Variants in CAMKK2 observed in about 807,000 individuals in gnomAD.
CAMKK2 encodes the protein calcium/calmodulin dependent protein kinase kinase 2.
A neutral mutation model predicts 67.2 loss-of-function variants in CAMKK2; 30 were observed. The ratio of observed to expected loss-of-function variants is 0.45; its 90% CI spans 0.33 to 0.61. The LOEUF is 0.61. Ranked by LOEUF, CAMKK2 falls within the 20% of genes least tolerant of loss-of-function variation. CAMKK2 has a pLI of 0.02. For synonymous variants in CAMKK2, 322 were observed against 326.2 expected, an observed-to-expected ratio of 0.99 and a Z score of 0.14; for missense variants, 643 against 802.0, an observed-to-expected ratio of 0.80 and a Z score of 2.39.
intron 1 of CAMKK2, among the ~76,000 whole-genome samples, chr12:121,295,410 G>C (rs1274053328): frequency 1.3e-5 from 2 of 152,144 alleles, no homozygotes; most frequent in Non-Finnish European, 2.9e-5. Flanking sequence ...TATTTATTCT[G>C]AAACTGCATG....
chr12:121,240,400 T>C lies in CAMKK2; in HGVS notation c.*299A>G. 1 of 1,495,254 alleles carries C rather than the reference T, an allele frequency of 6.7e-7. No homozygotes were observed. The highest frequency in any genetic ancestry group is 8.9e-7 in the Non-Finnish European group (1 of 1,117,396). 92.6% of individuals were successfully genotyped at this position (1,495,254 alleles called of 1,614,324 possible). Reference sequence around the variant, plus strand: ...TGGTTCTGAAAATCACAATGAAGGATTTTTGGCATAAAAACGTTTTAAAAA... The same window carrying C: ...TGGTTCTGAAAATCACAATGAAGGACTTTTGGCATAAAAACGTTTTAAAAA... On this transcript the variant is annotated 3_prime_UTR_variant, in exon 17 of 17. Coordinates refer to ENST00000404169, the MANE Select transcript of CAMKK2 (RefSeq NM_001270485.2). The surrounding 1 kb of genome is among the most constrained non-coding windows in gnomAD (Gnocchi z 4.4).
At chr12:121,255,853 A>G (rs372666661) in intron 7 of CAMKK2, 49 bp from the exon 8 acceptor site, 12 of 1,587,266 alleles carry the variant, frequency 7.6e-6, no homozygotes, top group Non-Finnish European at 9.5e-6. Flanking sequence ...CTGAACATCC[A>G]TCTCTCTCTG....
intron 5 of CAMKK2, 111 bp downstream of exon 5, chr12:121,268,527 T>C (rs1290248274): frequency 1.9e-6 from 2 of 1,030,820 alleles, no homozygotes; most frequent in Non-Finnish European, 3.0e-6. Flanking sequence ...CCCAAGTAGC[T>C]GGAACTACAG....
chr12:121,295,928 G>C (rs1247677835), intron 1 of CAMKK2, among the ~76,000 whole-genome samples: 1 of 151,482 alleles, frequency 6.6e-6, no homozygotes, highest in Non-Finnish European at 1.5e-5. Context: ...CCCAGGCACA[G>C]AGCCCCAATG....
chr12:121,276,907 G>T (rs1268672199), intron 1 of CAMKK2, among the ~76,000 whole-genome samples: 2 of 112,156 alleles, frequency 1.8e-5, no homozygotes, highest in Admixed American at 2.3e-4. Context: ...CGGGGTGGGG[G>T]GGGGGTCTCT....
chr12:121,249,890 C>G lies in CAMKK2; in HGVS notation c.1236-16G>C. ...TATGTCGGGCCTGGGGATGGAGAGG[C>G]GTCAGGGTGGCAGACACGGGACCGC... On this transcript the variant is annotated splice_polypyrimidine_tract_variant and intron_variant, in intron 12 of 16. Transcript: ENST00000404169. The G allele has an allele frequency of 6.2e-7, 1 of 1,613,386 alleles. No homozygotes were observed. The highest frequency in any genetic ancestry group is 8.5e-7 in the Non-Finnish European group (1 of 1,179,344).
Position 121,240,845 on chromosome 12 carries a change from G to C in CAMKK2, c.1621C>G (p.Pro541Ala), listed in dbSNP as rs1038964813. ...CCACGGGGGGCGGGTCGGTGCCCTG[G>C]AGGTTGTCTTCGCTGCCTTGCTTCC... The part of the protein sequence containing the change: ...LKEARQRRQP[P>A]GHRPAPRGGG... Residue 541 changes from proline to alanine, a missense_variant, in exon 17 of 17, where the codon CCA becomes GCA. Coordinates refer to ENST00000404169, the MANE Select transcript of CAMKK2 (RefSeq NM_001270485.2). This position sits in a 1 kb window ranked among gnomAD's most constrained non-coding sequence, Gnocchi z 4.4. 3 of 1,612,446 alleles carry C rather than the reference G, an allele frequency of 1.9e-6. No homozygotes were observed. Among genetic ancestry groups the C allele is most frequent in the Non-Finnish European group, 2.5e-6 (3 of 1,179,962 alleles).
intron 3 of CAMKK2, among the ~76,000 whole-genome samples, chr12:121,270,150 T>C (rs1454593554): frequency 1.3e-5 from 2 of 152,156 alleles, no homozygotes; most frequent in East Asian, 3.9e-4. Flanking sequence ...GGCGGGCAGA[T>C]CACTTGAGGT....
intron 5 of CAMKK2, among the ~76,000 whole-genome samples, chr12:121,267,394 G>A (rs1015953457): frequency 6.6e-6 from 1 of 151,836 alleles, no homozygotes; most frequent in Non-Finnish European, 1.5e-5. Flanking sequence ...TTATAGGCAT[G>A]AGCCACCGTG....
Position 121,268,681 on chromosome 12 carries a change from C to G in CAMKK2, c.582G>C (p.Lys194Asn). ...NENDNTYYAM[K>N]VLSKKKLIRQ... ...GGATCAGCTTCTTTTTGGACAGCAC[C>G]TTCATTGCCTGCAGGAAAATGAAGG... The change falls in exon 5 of 17, where the codon AAG becomes AAC. Residue 194 changes from lysine (K) to asparagine (N), a missense_variant. Lys to Asn is a moderately conservative substitution (Grantham distance 94). Coordinates refer to ENST00000404169, the MANE Select transcript of CAMKK2 (RefSeq NM_001270485.2). 1.2e-6 allele frequency: 2 copies of G among 1,614,070 alleles called. No individual in the cohort carries two copies. Among genetic ancestry groups the G allele is most frequent in the Non-Finnish European group, 1.7e-6 (2 of 1,179,934 alleles).
chr12:121,240,448 G>C lies in CAMKK2; in HGVS notation c.*251C>G, dbSNP rs1322670941. The C allele has an allele frequency of 6.5e-7, 1 of 1,530,282 alleles. No individual in the cohort carries two copies. The highest frequency in any genetic ancestry group is 1.2e-5 in the South Asian group (1 of 82,908). The allele number at this position is 1,530,282 out of a possible 1,614,324, so 94.8% of individuals were successfully genotyped here. ...AAAGCAATTGTCCCAAAATGCACGT[G>C]GGTTTGGGTCTGCAACTCCTCACAC... On this transcript the variant is annotated 3_prime_UTR_variant, in exon 17 of 17. Transcript: ENST00000404169. This position sits in a 1 kb window ranked among gnomAD's most constrained non-coding sequence, Gnocchi z 4.4.
At chr12:121,265,467 A>AT (rs1894340205) in intron 5 of CAMKK2, among the ~76,000 whole-genome samples, 1 of 152,124 alleles carries the variant, frequency 6.6e-6, no homozygotes, top group South Asian at 2.1e-4. Flanking sequence ...TCCAAAATTC[A>AT]TATGTCAAAA....
Position 121,245,125 on chromosome 12 carries a change from C to T in CAMKK2, c.1553+15G>A. 6.4e-7 allele frequency: 1 copy of T among 1,563,384 alleles called. No homozygotes were observed. Among genetic ancestry groups the T allele is most frequent in the Non-Finnish European group, 8.7e-7 (1 of 1,147,438 alleles). On this transcript the variant is annotated intron_variant, in intron 15 of 16. Transcript: ENST00000404169. This position sits in a 1 kb window ranked among gnomAD's most constrained non-coding sequence, Gnocchi z 5.8. ...GCCACCACTCCCCCACCCAAGAAGG[C>T]AGGCGGCCACTCACGTGAGCAAGTT...
chr12:121,268,714 C>A (rs1215160277), intron 4 of CAMKK2, 25 bp from the exon 5 acceptor site: 2 of 1,612,706 alleles, frequency 1.2e-6, no homozygotes, highest in Non-Finnish European at 1.7e-6. Context: ...AGGACAGCAC[C>A]TTTAGCCAGG....
intron 1 of CAMKK2, among the ~76,000 whole-genome samples, chr12:121,290,286 C>A (rs1382872233): frequency 6.6e-6 from 1 of 152,232 alleles, no homozygotes; most frequent in African/African-American, 2.4e-5. Context: ...CACTCACGGC[C>A]ACAGGGCCGT....
At chr12:121,290,212 T>C (rs1396113854) in intron 1 of CAMKK2, among the ~76,000 whole-genome samples, 1 of 152,226 alleles carries the variant, frequency 6.6e-6, no homozygotes, top group Non-Finnish European at 1.5e-5. Flanking sequence ...TCAGGCCAGC[T>C]TTCCATTTCT....
chr12:121,263,309 A>T (rs900827246), intron 6 of CAMKK2, among the ~76,000 whole-genome samples: 2 of 152,082 alleles, frequency 1.3e-5, no homozygotes, highest in Non-Finnish European at 2.9e-5. Context: ...GGGTTTCACC[A>T]TGTTGGCCAG....
intron 1 of CAMKK2, among the ~76,000 whole-genome samples, chr12:121,292,796 T>G (rs1426838568): frequency 1.3e-5 from 2 of 149,216 alleles, no homozygotes; most frequent in East Asian, 4.0e-4. Flanking sequence ...AGTAAGACCC[T>G]GTTTCTATAA....
chr12:121,293,673 G>A (rs1900565669), intron 1 of CAMKK2, among the ~76,000 whole-genome samples: 1 of 151,684 alleles, frequency 6.6e-6, no homozygotes. Flanking sequence ...CCCGGCTACT[G>A]CACAAAGTTC....
Sources: gnomAD v4.1 joint callset for allele counts (sites outside exome capture counted in the v4.1 genomes callset) on GRCh38, gnomAD v4.1.1 for gene constraint, Gnocchi (gnomAD v3.1) non-coding constraint, MANE v1.5 for transcripts, NCBI Gene and HGNC (gene_info 2026-07-23, HGNC 2026-07-21) for gene names.